Variants in ACOX3 observed in about 807,000 individuals in gnomAD.
The protein encoded by ACOX3 is peroxisomal acyl-coenzyme A oxidase 3.
In ACOX3, 73 loss-of-function variants were observed where a neutral mutation model predicts 81.5. The observed-to-expected ratio is 0.90, with a 90% CI of 0.74 to 1.09. ACOX3 has a LOEUF of 1.09. Among genes scored for constraint, ACOX3 ranks in the 50% least tolerant of loss-of-function variants. The pLI, the probability that ACOX3 is intolerant of heterozygous loss-of-function variation, is 0.00. For missense variants in ACOX3, 947 were observed against 928.0 expected (o/e 1.02, Z -0.27); for synonymous variants, 387 against 375.1 (o/e 1.03, Z -0.37).
Position 8,414,532 on chromosome 4 carries a change from T to C in ACOX3, c.454-151A>G. 1.3e-6 allele frequency: 1 copy of C among 773,832 alleles called. No homozygotes were observed. Among genetic ancestry groups the C allele is most frequent in the Non-Finnish European group, 2.2e-6 (1 of 463,808 alleles). 47.9% of individuals were successfully genotyped at this position (773,832 alleles called of 1,614,324 possible). On this transcript the variant is annotated intron_variant, in intron 4 of 17. Coordinates refer to ENST00000356406, the MANE Select transcript of ACOX3 (RefSeq NM_003501.3). The surrounding 1 kb of genome is among the most constrained non-coding windows in gnomAD (Gnocchi z 6.1). ...CCCAACTAGTGACTTGACTGAGTCA[T>C]GCTGCCACACTCAGCTGGCAACCAC...
In ACOX3 at chr4:8,416,024, G is replaced by T. The variant is rs375568998; in HGVS notation, c.145-25C>A. ...TCTGGAAATGCAGGAGATGGGTAAG[G>T]CTTATTTGGAGTAAAAGATGGACTC... On this transcript the variant is annotated intron_variant, in intron 2 of 17. Coordinates refer to ENST00000356406, the MANE Select transcript of ACOX3 (RefSeq NM_003501.3). The surrounding 1 kb of genome is among the most constrained non-coding windows in gnomAD (Gnocchi z 4.2). 3 of 1,603,862 alleles carry T rather than the reference G, an allele frequency of 1.9e-6. No homozygotes were observed. The African/African-American group carries it at 4.0e-5, about 21-fold the overall frequency.
In ACOX3 at chr4:8,406,007, C is replaced by A. The variant is rs1388734147; in HGVS notation, c.724G>T (p.Val242Leu). 1 of 1,614,196 alleles carries A rather than the reference C, an allele frequency of 6.2e-7. No homozygotes were observed. Among genetic ancestry groups the A allele is most frequent in the Admixed American group, 1.7e-5 (1 of 60,032 alleles). The change falls in exon 7 of 18, where the codon GTG (valine) becomes TTG (leucine). Residue 242 changes from valine to leucine, a missense_variant. Coordinates refer to ENST00000356406, the MANE Select transcript of ACOX3 (RefSeq NM_003501.3). The surrounding 1 kb of genome is among the most constrained non-coding windows in gnomAD (Gnocchi z 5.6). ...TTTTTTCCTATGTCGCCAACCATCA[C>A]TCCAGGCATGGGAAGAAGGGTCTTC... The part of the protein sequence containing the change: ...DPKTLLPMPG[V>L]MVGDIGKKLG...
chr4:8,432,557 C>T lies in ACOX3; in HGVS notation c.-15+8091G>A, dbSNP rs1444178509. Among the ~76,000 whole-genome samples the T allele has an allele frequency of 6.6e-6, 1 of 151,950 alleles. No individual in the cohort carries two copies. Among genetic ancestry groups the T allele is most frequent in the Admixed American group, 6.6e-5 (1 of 15,260 alleles). ...CTGATTTTTTTTTTTAATTATAAACCCAACATATTGAATTTAACGGGTTTC... is the reference window on the plus strand; with the variant it reads ...CTGATTTTTTTTTTTAATTATAAACTCAACATATTGAATTTAACGGGTTTC... On this transcript the variant is annotated intron_variant, in intron 1 of 17. Coordinates refer to ENST00000356406, the MANE Select transcript of ACOX3 (RefSeq NM_003501.3). The surrounding 1 kb of genome is among the most constrained non-coding windows in gnomAD (Gnocchi z 6.2).
intron 1 of ACOX3, chr4:8,436,520 A>T (rs2109053916): frequency 6.6e-6 from 1 of 152,290 alleles, no homozygotes; most frequent in East Asian, 1.9e-4. Context: ...AGACCCAGAG[A>T]ATGCAACTCA....
At chr4:8,361,051 A>T in the ACOX3 span, among the ~76,000 whole-genome samples, 1 of 152,216 alleles carries the variant, frequency 6.6e-6, no homozygotes, top group East Asian at 1.9e-4. Flanking sequence ...TGTGTAAGAA[A>T]AGTGAAATGT....
intron 14 of ACOX3, among the ~76,000 whole-genome samples, chr4:8,379,473 G>A (rs774576929): frequency 1.3e-5 from 2 of 152,202 alleles, no homozygotes; most frequent in Non-Finnish European, 2.9e-5. Flanking sequence ...CAGGGTCACC[G>A]TCTCAGCCGG....
chr4:8,357,739 G>C, the ACOX3 span: 17 of 215,596 alleles, frequency 7.9e-5, no homozygotes, highest in East Asian at 1.1e-3. Context: ...ACCGTGTGTG[G>C]GGGCTGCACC....
At chr4:8,369,986 T>C (rs1715958564) in intron 17 of ACOX3, among the ~76,000 whole-genome samples, 1 of 152,166 alleles carries the variant, frequency 6.6e-6, no homozygotes, top group South Asian at 2.1e-4. Context: ...AGTGGACCTG[T>C]GAGCATCGCT....
chr4:8,394,959 C>G lies in ACOX3; in HGVS notation c.1057-217G>C. The G allele has an allele frequency of 2.0e-6, 1 of 501,460 alleles. No homozygotes were observed. Among genetic ancestry groups the G allele is most frequent in the Non-Finnish European group, 3.5e-6 (1 of 289,782 alleles). The allele number at this position is 501,460 out of a possible 1,614,324, so 31.1% of individuals were successfully genotyped here. A position where few individuals can be genotyped will look rare whatever the true frequency, so the allele number is the denominator to read the frequency against. ...GCTTTCACCCATAGCCCTTGACAGA[C>G]AAGCTCAAACGCAATTCGCTAAATG... On this transcript the variant is annotated intron_variant, in intron 9 of 17. Coordinates refer to ENST00000356406, the MANE Select transcript of ACOX3 (RefSeq NM_003501.3). The surrounding 1 kb of genome is among the most constrained non-coding windows in gnomAD (Gnocchi z 5.9).
Position 8,386,848 on chromosome 4 carries a change from G to A in ACOX3, c.1537+2325C>T, listed in dbSNP as rs1349962002. Among the ~76,000 whole-genome samples, 1 of 152,230 alleles carries A rather than the reference G, an allele frequency of 6.6e-6. No homozygotes were observed. Among genetic ancestry groups the A allele is most frequent in the East Asian group, 1.9e-4 (1 of 5,174 alleles). On this transcript the variant is annotated intron_variant, in intron 13 of 17. Transcript: ENST00000356406. The surrounding 1 kb of genome is among the most constrained non-coding windows in gnomAD (Gnocchi z 5.2). ...GCTGTTGTCCTGTTCTTTGCCGTGT[G>A]AACAAGGAAGTAGCCTGTAGGGCTG...
At chr4:8,396,873 G>A (rs982960761) in intron 9 of ACOX3, 64 bp downstream of exon 9, 65 of 1,562,222 alleles carry the variant, frequency 4.2e-5, no homozygotes, top group Non-Finnish European at 5.5e-5. Context: ...CGGCAACTAT[G>A]TAAAAGAAGT....
At chr4:8,391,237 C>T (rs1718962344) in intron 11 of ACOX3, among the ~76,000 whole-genome samples, 2 of 152,292 alleles carry the variant, frequency 1.3e-5, no homozygotes, top group South Asian at 2.1e-4. Context: ...ACAGCCATGG[C>T]TACCCGCATG....
intron 14 of ACOX3, among the ~76,000 whole-genome samples, chr4:8,377,796 C>T (rs1308634911): frequency 6.6e-6 from 1 of 152,210 alleles, no homozygotes; most frequent in Non-Finnish European, 1.5e-5. Context: ...GCGGTATGGA[C>T]TCTGGCGACC....
At chr4:8,438,139 T>C (rs541777013) in intron 1 of ACOX3, among the ~76,000 whole-genome samples, 1 of 152,370 alleles carries the variant, frequency 6.6e-6, no homozygotes, top group South Asian at 2.1e-4. Flanking sequence ...TTTGCACCTT[T>C]CCAGGGTAAG....
intron 5 of ACOX3, among the ~76,000 whole-genome samples, chr4:8,413,873 C>T (rs1560197526): frequency 6.6e-6 from 1 of 152,220 alleles, no homozygotes; most frequent in Admixed American, 6.5e-5. Context: ...GCAGGCTCTT[C>T]GCAGAGGGAC....
chr4:8,408,891 T>TGGCG (rs1560193586), intron 6 of ACOX3, among the ~76,000 whole-genome samples: 14 of 25,790 alleles, frequency 5.4e-4, no homozygotes, highest in Non-Finnish European at 6.8e-4. Context: ...GAGCCCTCAC[T>TGGCG]GGGGGGGGGG....
intron 16 of ACOX3, among the ~76,000 whole-genome samples, chr4:8,372,272 T>C (rs773575175): frequency 6.6e-6 from 1 of 152,156 alleles, no homozygotes; most frequent in Non-Finnish European, 1.5e-5. Flanking sequence ...TTTTTTAAAA[T>C]TATTTTTTGT....
rs1720808048 is a variant in ACOX3 at position 8,405,247 on chromosome 4, G to A, written c.776+708C>T. On this transcript the variant is annotated intron_variant, in intron 7 of 17. Transcript: ENST00000356406. The surrounding 1 kb of genome is among the most constrained non-coding windows in gnomAD (Gnocchi z 7.1). Reference sequence around the variant, plus strand: ...CCCGCCTGCATCCCAGCACAGGCCTGGGCCTGACACTTCCCACTGCTTCCT... The same window carrying A: ...CCCGCCTGCATCCCAGCACAGGCCTAGGCCTGACACTTCCCACTGCTTCCT... Among the ~76,000 whole-genome samples the A allele has an allele frequency of 1.3e-5, 2 of 152,300 alleles. No individual in the cohort carries two copies. The highest frequency in any genetic ancestry group is 4.8e-5 in the African/African-American group (2 of 41,584).
At chr4:8,356,421 G>T in the ACOX3 span, 728 of 407,688 alleles carry the variant, frequency 1.8e-3, 3 homozygotes, top group Non-Finnish European at 2.8e-3. Flanking sequence ...CTGCCACGGA[G>T]CAGAAGCCTT....
Sources: gnomAD v4.1 joint callset for allele counts (sites outside exome capture counted in the v4.1 genomes callset) on GRCh38, gnomAD v4.1.1 for gene constraint, Gnocchi (gnomAD v3.1) non-coding constraint, MANE v1.5 for transcripts, NCBI Gene and HGNC (gene_info 2026-07-23, HGNC 2026-07-21) for gene names.